The following ZC3H12C variants were observed in gnomAD, a reference collection of about 807,000 sequenced individuals.
The protein encoded by ZC3H12C is probable ribonuclease ZC3H12C.
In ZC3H12C, 20 loss-of-function variants were observed where a neutral mutation model predicts 76.3. That is an observed-to-expected ratio of 0.26 (90% CI 0.18 to 0.38). The LOEUF is 0.38. Among genes scored for constraint, ZC3H12C ranks in the 10% least tolerant of loss-of-function variants. The probability of loss-of-function intolerance (pLI) is 1.00; values close to 1 mark genes in which losing one functional copy is unlikely to be tolerated. For synonymous variants in ZC3H12C, 352 were observed against 399.6 expected (o/e 0.88, Z 1.42); for missense variants, 874 against 1,086.5 (o/e 0.80, Z 2.75).
chr11:110,100,212 C>CTTTTT (rs10656341), intron 1 of ZC3H12C, among the ~76,000 whole-genome samples: 14,333 of 134,048 alleles, frequency 0.11, 1,425 homozygotes, highest in East Asian at 0.45. Flanking sequence ...CTATATGGTA[C>CTTTTT]TTTTTTTTTT....
intron 1 of ZC3H12C, among the ~76,000 whole-genome samples, chr11:110,120,732 C>T (rs893314651): frequency 6.6e-6 from 1 of 152,154 alleles, no homozygotes; most frequent in Non-Finnish European, 1.5e-5. Flanking sequence ...TGATGAGGAT[C>T]AGCTGTGTGT....
At chr11:110,140,171 G>A (rs938931223) in intron 2 of ZC3H12C, among the ~76,000 whole-genome samples, 8 of 152,048 alleles carry the variant, frequency 5.3e-5, no homozygotes, top group Admixed American at 1.3e-4. Context: ...ATATGGTGGT[G>A]CATGCCTACA....
chr11:110,126,996 G>A (rs908313459), intron 1 of ZC3H12C, among the ~76,000 whole-genome samples: 2 of 152,098 alleles, frequency 1.3e-5, no homozygotes, highest in African/African-American at 4.8e-5. Flanking sequence ...TATTTTTCCA[G>A]AAGTTACTTT....
rs577540692 is a variant in ZC3H12C at position 110,121,448 on chromosome 11, T to A, written c.22-15215T>A. ...ACTTTTTATAGTATATGATGATTTG[T>A]ATTTAGAAGGAATCTTGTCCTAAAG... On this transcript the variant is annotated intron_variant, in intron 1 of 5. Transcript: ENST00000278590. Among the ~76,000 whole-genome samples, 13 of 152,346 alleles carry A rather than the reference T, an allele frequency of 8.5e-5. No homozygotes were observed. The East Asian group carries it at 2.5e-3, about 29-fold the overall frequency.
At chr11:110,152,335 T>C (rs667625) in intron 2 of ZC3H12C, among the ~76,000 whole-genome samples, 1 of 152,056 alleles carries the variant, frequency 6.6e-6, no homozygotes, top group Non-Finnish European at 1.5e-5. Flanking sequence ...CTGCATTATA[T>C]GCAAAGTGTT....
intron 1 of ZC3H12C, among the ~76,000 whole-genome samples, chr11:110,117,037 C>T (rs1476630616): frequency 6.6e-6 from 1 of 152,206 alleles, no homozygotes; most frequent in African/African-American, 2.4e-5. Context: ...ATAGTAGTCC[C>T]TTTATAGGAA....
At chr11:110,160,822 G>C (rs1730261764) in intron 4 of ZC3H12C, among the ~76,000 whole-genome samples, 1 of 152,010 alleles carries the variant, frequency 6.6e-6, no homozygotes, top group African/African-American at 2.4e-5. Context: ...CATAGTTGGG[G>C]ATATTTTGTT....
chr11:110,114,961 T>C (rs1861498145), intron 1 of ZC3H12C, among the ~76,000 whole-genome samples: 1 of 152,250 alleles, frequency 6.6e-6, no homozygotes, highest in African/African-American at 2.4e-5. Context: ...GAAATTTAAA[T>C]GTTAATGAAA....
At chr11:110,126,659 C>G (rs1232676450) in intron 1 of ZC3H12C, among the ~76,000 whole-genome samples, 1 of 152,112 alleles carries the variant, frequency 6.6e-6, no homozygotes, top group Non-Finnish European at 1.5e-5. Context: ...TAAGAAATGG[C>G]AGAGATGGCC....
At chr11:110,162,612 T>C (rs897785488) in intron 4 of ZC3H12C, among the ~76,000 whole-genome samples, 1 of 152,250 alleles carries the variant, frequency 6.6e-6, no homozygotes, top group Admixed American at 6.5e-5. Context: ...TTAGCATTTT[T>C]TTCTATCTCA....
At chr11:110,138,646 C>A (rs963258290) in intron 2 of ZC3H12C, among the ~76,000 whole-genome samples, 12 of 151,786 alleles carry the variant, frequency 7.9e-5, no homozygotes, top group African/African-American at 2.9e-4. Flanking sequence ...CAACCTCCGC[C>A]CCCAGGTTCA....
chr11:110,126,272 G>T (rs189411006), intron 1 of ZC3H12C, among the ~76,000 whole-genome samples: 1 of 145,190 alleles, frequency 6.9e-6, no homozygotes, highest in Non-Finnish European at 1.5e-5. Flanking sequence ...TGCCCAGGCT[G>T]GAGTGCAACT....
At chr11:110,103,110 G>A (rs1222398287) in intron 1 of ZC3H12C, among the ~76,000 whole-genome samples, 1 of 152,084 alleles carries the variant, frequency 6.6e-6, no homozygotes, top group African/African-American at 2.4e-5. Context: ...TATTTCCAAG[G>A]TATGCCTATG....
At chr11:110,123,535 G>A (rs1476746815) in intron 1 of ZC3H12C, among the ~76,000 whole-genome samples, 1 of 152,100 alleles carries the variant, frequency 6.6e-6, no homozygotes, top group African/African-American at 2.4e-5. Context: ...CAGAATTGAA[G>A]GTTATCTACT....
chr11:110,165,422 G>C lies in ZC3H12C; in HGVS notation c.2337G>C (p.Arg779Ser). The C allele has an allele frequency of 6.2e-7, 1 of 1,614,000 alleles. No homozygotes were observed. Among genetic ancestry groups the C allele is most frequent in the Non-Finnish European group, 8.5e-7 (1 of 1,179,894 alleles). Residue 779 changes from arginine (R) to serine (S), a missense_variant, in exon 6 of 6, where the codon AGG becomes AGC. Physicochemically the swap from Arg to Ser is moderately radical, Grantham distance 110. Transcript: ENST00000278590. ...AGGAAGGCCTGGGAAGCTGGGAGAG[G>C]CCAGGCTATGGGATCGACGCCTATG... ...SRQEGLGSWE[R>S]PGYGIDAYGY...
chr11:110,125,270 AGTGTGTGTG>A (rs1861719489), intron 1 of ZC3H12C, among the ~76,000 whole-genome samples: 1 of 138,684 alleles, frequency 7.2e-6, no homozygotes, highest in Non-Finnish European at 1.5e-5. Context: ...ATCTCTCACT[AGTGTGTGTG>A]TGTGTGTGTG....
intron 2 of ZC3H12C, among the ~76,000 whole-genome samples, chr11:110,140,661 C>G (rs1862052331): frequency 6.6e-6 from 1 of 152,128 alleles, no homozygotes; most frequent in African/African-American, 2.4e-5. Flanking sequence ...GTAGTGAACC[C>G]AGGTTTCTGG....
At chr11:110,109,201 T>C (rs773638231) in intron 1 of ZC3H12C, among the ~76,000 whole-genome samples, 19 of 152,310 alleles carry the variant, frequency 1.2e-4, no homozygotes, top group African/African-American at 2.9e-4. Context: ...CTAAGAAACA[T>C]AGGAATTGTT....
At position 110,165,867 on chromosome 11, in the gene ZC3H12C, C is replaced by A; in HGVS notation, c.*130C>A. On this transcript the variant is annotated 3_prime_UTR_variant, in exon 6 of 6. Transcript: ENST00000278590. ...ATATAGTATCCATTTATGTGAAATA[C>A]TGTATCATGGAATCTGTATGTATAG... 1 of 877,194 alleles carries A rather than the reference C, an allele frequency of 1.1e-6. No homozygotes were observed. The highest frequency in any genetic ancestry group is 1.7e-6 in the Non-Finnish European group (1 of 587,680). The allele number at this position is 877,194 out of a possible 1,614,324, so 54.3% of individuals were successfully genotyped here.
Sources: gnomAD v4.1 joint callset for allele counts (sites outside exome capture counted in the v4.1 genomes callset) on GRCh38, gnomAD v4.1.1 for gene constraint, MANE v1.5 for transcripts, NCBI Gene and HGNC (gene_info 2026-07-23, HGNC 2026-07-21) for gene names.